Variants in NIPA2 observed in about 807,000 individuals in gnomAD.
NIPA2 encodes the protein NIPA magnesium transporter 2, also known as magnesium transporter NIPA2.
NIPA2 carries 11 observed loss-of-function variants against 29.7 expected under a neutral mutation model. The ratio of observed to expected loss-of-function variants is 0.37; its 90% CI spans 0.23 to 0.61. The LOEUF is 0.61. Among genes scored for constraint, NIPA2 ranks in the 20% least tolerant of loss-of-function variants. The probability of loss-of-function intolerance (pLI) is 0.66; values close to 1 mark genes in which losing one functional copy is unlikely to be tolerated. For synonymous variants in NIPA2, 183 were observed against 161.9 expected (o/e 1.13, Z -0.99); for missense variants, 426 against 437.9 (o/e 0.97, Z 0.24).
chr15:22,847,097 G>A (rs562757473), intron 3 of NIPA2, among the ~76,000 whole-genome samples: 133 of 151,686 alleles, frequency 8.8e-4, no homozygotes, highest in Admixed American at 1.8e-3. Context: ...GTAGAGACAG[G>A]GTTTCTCCAT....
chr15:22,865,812 TGAA>T (rs144968934), intron 7 of NIPA2, among the ~76,000 whole-genome samples: 3,390 of 152,132 alleles, frequency 0.022, 117 homozygotes, highest in African/African-American at 0.078. Context: ...GAAAACTTGA[TGAA>T]GAACTCTTGT....
At position 22,866,709 on chromosome 15, in the gene NIPA2, AGAC is replaced by A. The variant is rs1017639544; in HGVS notation, c.948_950del (p.Asp316del). Reference sequence around the variant, plus strand: ...CAAGTCTGCCTGTGTCTTTTCGAAAAGACGAGAAAGCAATGAATGGCAATCTCT... The same window carrying A: ...CAAGTCTGCCTGTGTCTTTTCGAAAAGAGAAAGCAATGAATGGCAATCTCT... On this transcript the variant is annotated inframe_deletion, in exon 8 of 8. Coordinates refer to ENST00000337451, the MANE Select transcript of NIPA2 (RefSeq NM_030922.7). 1.2e-6 allele frequency: 2 copies of A among 1,614,190 alleles called. No individual in the cohort carries two copies. Among genetic ancestry groups the A allele is most frequent in the African/African-American group, 2.7e-5 (2 of 75,044 alleles).
chr15:22,846,923 G>A (rs1898902634), intron 3 of NIPA2, among the ~76,000 whole-genome samples: 1 of 146,990 alleles, frequency 6.8e-6, no homozygotes, highest in South Asian at 2.2e-4. Context: ...GTTTGTTTGA[G>A]ACCGAGTTTC....
intron 4 of NIPA2, among the ~76,000 whole-genome samples, chr15:22,852,216 C>T (rs1272084559): frequency 6.6e-6 from 1 of 152,108 alleles, no homozygotes; most frequent in Non-Finnish European, 1.5e-5. Context: ...CCTGTAATCC[C>T]AGCACTTTGG....
chr15:22,859,942 A>G (rs7168000), intron 6 of NIPA2, among the ~76,000 whole-genome samples: 3 of 151,994 alleles, frequency 2.0e-5, no homozygotes, highest in Admixed American at 6.6e-5. Context: ...ATTATATACA[A>G]TTAACAACAT....
At position 22,866,626 on chromosome 15, in the gene NIPA2, A is replaced by ACAAT; in HGVS notation, c.865_868dup (p.Ile290AsnfsTer12). The ACAAT allele has an allele frequency of 1.9e-6, 3 of 1,614,096 alleles. No individual in the cohort carries two copies. The highest frequency in any genetic ancestry group is 2.5e-6 in the Non-Finnish European group (3 of 1,179,980). Reference sequence around the variant, plus strand: ...CATTGGTACTTTGAGTGGCTTCTTTACAATCATTGTGGGGATATTCTTGTT... The same window carrying ACAAT: ...CATTGGTACTTTGAGTGGCTTCTTTACAATCAATCATTGTGGGGATATTCTTGTT... On this transcript the variant is annotated frameshift_variant, in exon 8 of 8. Transcript: ENST00000337451. LOFTEE classifies it high-confidence loss of function.
chr15:22,844,972 A>G (rs890391778), intron 2 of NIPA2, among the ~76,000 whole-genome samples, 174 bp from the exon 3 acceptor site: 29 of 152,184 alleles, frequency 1.9e-4, no homozygotes, highest in South Asian at 6.2e-4. Flanking sequence ...TTGTTGAGCA[A>G]TGGTCACAGT....
At chr15:22,848,077 C>T (rs1001908802) in intron 3 of NIPA2, among the ~76,000 whole-genome samples, 8 of 152,166 alleles carry the variant, frequency 5.3e-5, no homozygotes, top group Non-Finnish European at 8.8e-5. Context: ...GGATTACAGG[C>T]GTGAGCCACC....
intron 6 of NIPA2, among the ~76,000 whole-genome samples, chr15:22,859,862 G>A (rs1392494822): frequency 6.6e-6 from 1 of 151,768 alleles, no homozygotes; most frequent in Non-Finnish European, 1.5e-5. Flanking sequence ...ATTGGTTTAT[G>A]CTGTATTTTC....
At position 22,865,261 on chromosome 15, in the gene NIPA2, T is replaced by C. The variant is rs1181107939; in HGVS notation, c.449-952T>C. ...CAGCACTTTGGGAGGCCAGAGCGGG[T>C]GGATCACGAGGTCAGGAGATGGAGA... On this transcript the variant is annotated intron_variant, in intron 7 of 7. Transcript: ENST00000337451. 5.9e-5 allele frequency among the ~76,000 whole-genome samples: 9 copies of C among 151,684 alleles called. 1 individual carries two copies. In the South Asian group the frequency reaches 1.5e-3, roughly 25 times the overall value.
In NIPA2 at chr15:22,866,580, A is replaced by G; in HGVS notation, c.816A>G (p.Gln272=). The G allele has an allele frequency of 6.2e-7, 1 of 1,614,176 alleles. No homozygotes were observed. The highest frequency in any genetic ancestry group is 8.5e-7 in the Non-Finnish European group (1 of 1,180,000). The part of the protein sequence containing the change: ...TCSAILFKEW[Q]DMPVDDVIGT... ...CAGCTATTCTTTTTAAGGAGTGGCA[A>G]GATATGCCTGTTGACGATGTCATTG... Residue 272 remains glutamine, a synonymous_variant, in exon 8 of 8, where the codon CAA becomes CAG. Transcript: ENST00000337451.
At position 22,868,356 on chromosome 15, in the gene NIPA2, G is replaced by GTTAA. The variant is rs1277872567; in HGVS notation, c.*1511_*1514dup. ...CAGAGACTCATTTGAACATGCATAG[G>GTTAA]TTAATAAATAATAAATTCTTATTTA... is the stretch of plus-strand genomic sequence containing the variant. On this transcript the variant is annotated 3_prime_UTR_variant, in exon 8 of 8. Transcript: ENST00000337451. 1.4e-5 allele frequency: 2 copies of GTTAA among 147,238 alleles called. No homozygotes were observed. The highest frequency in any genetic ancestry group is 2.5e-5 in the African/African-American group (1 of 40,568). The allele number at this position is 147,238 out of a possible 1,614,324, so 9.1% of individuals were successfully genotyped here. A position where few individuals can be genotyped will look rare whatever the true frequency, so the allele number is the denominator to read the frequency against.
intron 3 of NIPA2, 149 bp from the exon 4 acceptor site, chr15:22,851,490 G>C (rs796218815): frequency 5.6e-4 from 138 of 244,856 alleles, no homozygotes; most frequent in African/African-American, 2.9e-3. Context: ...ATACAGGTTG[G>C]TGCTAAATTT....
At chr15:22,840,011 C>G (rs890234367) in intron 2 of NIPA2, among the ~76,000 whole-genome samples, 2 of 152,154 alleles carry the variant, frequency 1.3e-5, no homozygotes, top group Non-Finnish European at 2.9e-5. Context: ...ACTTCCGCCT[C>G]CCGGGCTCAA....
intron 6 of NIPA2, 72 bp from the exon 7 acceptor site, chr15:22,860,557 C>G (rs761970946): frequency 2.0e-6 from 2 of 989,392 alleles, no homozygotes; most frequent in African/African-American, 3.3e-5. Flanking sequence ...ATTTAAATTA[C>G]GAGTTTTATT....
At chr15:22,847,697 C>T (rs1410038659) in intron 3 of NIPA2, among the ~76,000 whole-genome samples, 1 of 151,794 alleles carries the variant, frequency 6.6e-6, no homozygotes, top group African/African-American at 2.4e-5. Context: ...ATCCTGACCT[C>T]GTGATCTGCC....
intron 2 of NIPA2, among the ~76,000 whole-genome samples, chr15:22,842,779 A>G (rs1897437638): frequency 2.0e-5 from 3 of 151,780 alleles, no homozygotes. Context: ...CAGTGAGCCA[A>G]GATTGCGCCA....
In NIPA2 at chr15:22,867,296, GCTC is replaced by G. The variant is rs2059163991; in HGVS notation, c.*452_*454del. On this transcript the variant is annotated 3_prime_UTR_variant, in exon 8 of 8. Coordinates refer to ENST00000337451, the MANE Select transcript of NIPA2 (RefSeq NM_030922.7). The stretch of plus-strand genomic sequence containing the variant: ...GTGATTTACCTTACCTACAAAAGTG[GCTC>G]CTGTTTGTTTGATGATGATTGGTTT... 7 of 398,084 alleles carry G rather than the reference GCTC, an allele frequency of 1.8e-5. No homozygotes were observed. Among genetic ancestry groups the G allele is most frequent in the Non-Finnish European group, 3.1e-5 (7 of 226,024 alleles). 24.7% of individuals were successfully genotyped at this position (398,084 alleles called of 1,614,324 possible). A position where few individuals can be genotyped will look rare whatever the true frequency, so the allele number is the denominator to read the frequency against.
In NIPA2 at chr15:22,841,658, G is replaced by A. The variant is rs970795013; in HGVS notation, c.-216+1868G>A. ...CGAGTAGCTGGGATTACAGGCGCCC[G>A]CCACCATGCCTGGCTGATTTTTGTA... On this transcript the variant is annotated intron_variant, in intron 2 of 7. Coordinates refer to ENST00000337451, the MANE Select transcript of NIPA2 (RefSeq NM_030922.7). 7.2e-5 allele frequency among the ~76,000 whole-genome samples: 11 copies of A among 152,082 alleles called. No individual in the cohort carries two copies. In the East Asian group the frequency reaches 1.2e-3, roughly 16 times the overall value.
Sources: gnomAD v4.1 joint callset for allele counts (sites outside exome capture counted in the v4.1 genomes callset) on GRCh38, gnomAD v4.1.1 for gene constraint, MANE v1.5 for transcripts, NCBI Gene and HGNC (gene_info 2026-07-23, HGNC 2026-07-21) for gene names.